ATR: variants seen among roughly 807,000 people sequenced by gnomAD.
The protein encoded by ATR is serine/threonine-protein kinase ATR.
Under a neutral mutation model 305.3 loss-of-function variants are expected in ATR, and 142 were observed. The observed-to-expected ratio is 0.47, with a 90% CI of 0.41 to 0.53. The LOEUF is 0.53. Among genes scored for constraint, ATR ranks in the 20% least tolerant of loss-of-function variants. ATR has a pLI of 0.00. For synonymous variants in ATR, 1,050 were observed against 1,068.1 expected (o/e 0.98, Z 0.33); for missense variants, 2,135 against 3,133.1 (o/e 0.68, Z 7.60).
chr3:142,477,701 G>T (rs1020281980), intron 36 of ATR, among the ~76,000 whole-genome samples: 3 of 152,118 alleles, frequency 2.0e-5, no homozygotes, highest in Non-Finnish European at 4.4e-5. Flanking sequence ...GGTAGAATTC[G>T]GCTGTGAATC....
chr3:142,465,044 T>A lies in ATR; in HGVS notation c.7041+53A>T, dbSNP rs965553093. ...AATCTGGTTTTATAATAGTCAAAAA[T>A]TTTTTTAAAATAAAAAATAAATAAA... On this transcript the variant is annotated intron_variant, in intron 41 of 46. Coordinates refer to ENST00000350721, the MANE Select transcript of ATR (RefSeq NM_001184.4). The A allele has an allele frequency of 1.6e-5, 19 of 1,213,562 alleles. No homozygotes were observed. The African/African-American group carries it at 1.6e-4, about 10-fold the overall frequency. 75.2% of individuals were successfully genotyped at this position (1,213,562 alleles called of 1,614,324 possible). A position where few individuals can be genotyped will look rare whatever the true frequency, so the allele number is the denominator to read the frequency against.
At chr3:142,516,008 G>C (rs748742651) in intron 24 of ATR, among the ~76,000 whole-genome samples, 2 of 152,114 alleles carry the variant, frequency 1.3e-5, no homozygotes, top group Non-Finnish European at 2.9e-5. Context: ...AATTATCAGG[G>C]CTCCCATGCT....
intron 13 of ATR, among the ~76,000 whole-genome samples, chr3:142,551,748 G>T (rs1341872369): frequency 1.3e-5 from 2 of 152,068 alleles, no homozygotes; most frequent in African/African-American, 2.4e-5. Flanking sequence ...CAATACCTCA[G>T]GCTATAGGCA....
chr3:142,566,659 G>T (rs1375829084), intron 2 of ATR, among the ~76,000 whole-genome samples: 1 of 149,726 alleles, frequency 6.7e-6, no homozygotes, highest in African/African-American at 2.4e-5. Flanking sequence ...GTGGGGTGGG[G>T]GTGGGGAACC....
rs938947220 is a variant in ATR at position 142,499,594 on chromosome 3, T to C, written c.5380+33A>G. ...CAGGCGTGAGCCACCGCACCCATCCTAAAACTGCTTATATTTTAAGAAGTA... is the reference window on the plus strand; with the variant it reads ...CAGGCGTGAGCCACCGCACCCATCCCAAAACTGCTTATATTTTAAGAAGTA... On this transcript the variant is annotated intron_variant, in intron 31 of 46. Transcript: ENST00000350721. The C allele has an allele frequency of 3.1e-6, 5 of 1,604,852 alleles. No homozygotes were observed. The African/African-American group carries it at 6.7e-5, about 21-fold the overall frequency.
At chr3:142,458,924 AAC>A in intron 44 of ATR, 32 bp downstream of exon 44, 1 of 1,606,778 alleles carries the variant, frequency 6.2e-7, no homozygotes, top group Non-Finnish European at 8.5e-7. Context: ...ATTGAGAGAA[AAC>A]ACAATTAGTA....
At chr3:142,512,837 A>G (rs533349171) in intron 26 of ATR, among the ~76,000 whole-genome samples, 4 of 152,308 alleles carry the variant, frequency 2.6e-5, no homozygotes, top group Admixed American at 2.6e-4. Context: ...TGGGCAACAA[A>G]GGGAGGCTCT....
chr3:142,559,053 T>G, intron 7 of ATR, 198 bp downstream of exon 7: 1 of 656,720 alleles, frequency 1.5e-6, no homozygotes, highest in Non-Finnish European at 2.5e-6. Context: ...TAATTTCTAT[T>G]GACTAAAGAA....
At chr3:142,522,942 G>T in intron 22 of ATR, 101 bp from the exon 23 acceptor site, 1 of 880,588 alleles carries the variant, frequency 1.1e-6, no homozygotes, top group Non-Finnish European at 1.9e-6. Context: ...CTGCGTAAGT[G>T]AATTTAACTT....
In ATR at chr3:142,575,877, C is replaced by T. The variant is rs117312638; in HGVS notation, c.59+2769G>A. ...TGATGAAGTCAGAGGCAGGCTGAGC[C>T]AGATTATGTAGAACCTTAGAGGCCT... On this transcript the variant is annotated intron_variant, in intron 1 of 46. Coordinates refer to ENST00000350721, the MANE Select transcript of ATR (RefSeq NM_001184.4). Among the ~76,000 whole-genome samples the T allele has an allele frequency of 2.6e-3, 397 of 152,264 alleles. 15 individuals are homozygous for T. The East Asian group carries it at 0.067, about 26-fold the overall frequency.
chr3:142,511,918 A>G (rs2032589586), intron 27 of ATR, among the ~76,000 whole-genome samples: 1 of 152,066 alleles, frequency 6.6e-6, no homozygotes, highest in African/African-American at 2.4e-5. Context: ...GTTCGAGACC[A>G]GTCTGGCCAA....
At chr3:142,547,649 G>A (rs2108450328) in intron 16 of ATR, 76 bp downstream of exon 16, 2 of 1,494,892 alleles carry the variant, frequency 1.3e-6, no homozygotes, top group Non-Finnish European at 9.1e-7. Flanking sequence ...CCAAAAATAT[G>A]ATTTCTTCAA....
At position 142,458,953 on chromosome 3, in the gene ATR, C is replaced by T. The variant is rs376727616; in HGVS notation, c.7503+5G>A. 1.1e-5 allele frequency: 18 copies of T among 1,613,340 alleles called. No homozygotes were observed. The highest frequency in any genetic ancestry group is 1.5e-5 in the Non-Finnish European group (18 of 1,179,340). The stretch of plus-strand genomic sequence containing the variant: ...CAATTAGTAAGAGTAACTCATATCA[C>T]ATACCTTATTGAAAAGACAATTGAA... On this transcript the variant is annotated splice_donor_5th_base_variant and intron_variant, in intron 44 of 46. Coordinates refer to ENST00000350721, the MANE Select transcript of ATR (RefSeq NM_001184.4).
At chr3:142,449,832 C>G in intron 46 of ATR, 6 of 550,374 alleles carry the variant, frequency 1.1e-5, no homozygotes, top group Non-Finnish European at 1.9e-5. Context: ...TGTTTCTGGA[C>G]TACGTGAAAT....
At chr3:142,532,010 G>T (rs996937285) in intron 21 of ATR, among the ~76,000 whole-genome samples, 6 of 151,642 alleles carry the variant, frequency 4.0e-5, no homozygotes, top group Non-Finnish European at 7.4e-5. Context: ...TGGCCAGTGA[G>T]GATGAGCATT....
chr3:142,491,686 A>G (rs1304969969), intron 35 of ATR, among the ~76,000 whole-genome samples: 2 of 152,230 alleles, frequency 1.3e-5, no homozygotes, highest in African/African-American at 4.8e-5. Flanking sequence ...AGGTGGCATG[A>G]CATCTTCTTG....
At chr3:142,577,906 T>C (rs2035492530) in intron 1 of ATR, among the ~76,000 whole-genome samples, 4 of 152,152 alleles carry the variant, frequency 2.6e-5, no homozygotes, top group Admixed American at 2.6e-4. Context: ...TCTCCCTCCT[T>C]GTGGTAAGAT....
At chr3:142,518,400 C>T (rs2033000099) in intron 24 of ATR, among the ~76,000 whole-genome samples, 1 of 152,064 alleles carries the variant, frequency 6.6e-6, no homozygotes, top group African/African-American at 2.4e-5. Flanking sequence ...GCCTGTAATC[C>T]CAGCTACTTG....
rs1312286387 is a variant in ATR at position 142,550,076 on chromosome 3, G to C, written c.2976+56C>G. 6.9e-6 allele frequency: 11 copies of C among 1,591,576 alleles called. No individual in the cohort carries two copies. The Admixed American group carries it at 8.4e-5, about 12-fold the overall frequency. ...TCATATCAAAGTCAAAATCTAGAAT[G>C]GAATGAACAAAATACTGAATTGCAA... On this transcript the variant is annotated intron_variant, in intron 14 of 46. Coordinates refer to ENST00000350721, the MANE Select transcript of ATR (RefSeq NM_001184.4).
Sources: allele counts gnomAD v4.1 joint callset (sites outside exome capture counted in the v4.1 genomes callset), GRCh38; gene constraint gnomAD v4.1.1; transcripts MANE v1.5; gene names NCBI Gene and HGNC (gene_info 2026-07-23, HGNC 2026-07-21).